Variants in POU3F3 observed in about 807,000 individuals in gnomAD.
The protein encoded by POU3F3 is POU domain, class 3, transcription factor 3.
A neutral mutation model predicts 8.6 loss-of-function variants in POU3F3; 1 was observed. That is an observed-to-expected ratio of 0.12 (90% CI 0.04 to 0.55). The LOEUF is 0.55. POU3F3 is among the 20% of genes least tolerant of loss of function. POU3F3 has a pLI of 0.91. For missense variants in POU3F3, 577 were observed against 690.7 expected (o/e 0.84, Z 1.84); for synonymous variants, 418 against 327.4 (o/e 1.28, Z -2.99).
chr2:104,919,606 A>G, the POU3F3 span, among the ~76,000 whole-genome samples: 1 of 152,106 alleles, frequency 6.6e-6, no homozygotes. Flanking sequence ...CGGTTTTTTT[A>G]TTTACTGGTC....
chr2:104,904,168 G>T, the POU3F3 span, among the ~76,000 whole-genome samples: 1 of 152,162 alleles, frequency 6.6e-6, no homozygotes, highest in African/African-American at 2.4e-5. Context: ...CAATAATTTA[G>T]GTAGCCCAAA....
chr2:104,904,095 G>A, the POU3F3 span, among the ~76,000 whole-genome samples: 1 of 152,286 alleles, frequency 6.6e-6, no homozygotes, highest in East Asian at 1.9e-4. Flanking sequence ...TGAAGCATTT[G>A]CAAAGCACTA....
chr2:104,883,382 G>T, the POU3F3 span, among the ~76,000 whole-genome samples: 852 of 152,274 alleles, frequency 5.6e-3, 7 homozygotes, highest in African/African-American at 0.019. Flanking sequence ...TTACAGTTTT[G>T]GTTTTGTTTT....
the POU3F3 span, among the ~76,000 whole-genome samples, chr2:104,879,243 C>T: frequency 5.3e-5 from 8 of 151,150 alleles, no homozygotes; most frequent in Non-Finnish European, 5.9e-5. Flanking sequence ...GAGAAGAAAC[C>T]GAGAGAGGAG....
At chr2:104,921,681 C>A in the POU3F3 span, among the ~76,000 whole-genome samples, 1 of 152,154 alleles carries the variant, frequency 6.6e-6, no homozygotes, top group Non-Finnish European at 1.5e-5. Flanking sequence ...GGGAGCCAAG[C>A]ATTTTAACTC....
chr2:104,868,343 G>A, the POU3F3 span: 2 of 456,612 alleles, frequency 4.4e-6, no homozygotes, highest in Admixed American at 2.3e-5. Context: ...GCAAGCATCA[G>A]GCAGCAGTGT....
the POU3F3 span, chr2:104,868,528 C>A: frequency 8.1e-6 from 3 of 369,974 alleles, no homozygotes; most frequent in East Asian, 7.5e-5. Flanking sequence ...GCTGTGGTCA[C>A]CCACCGGCCA....
Position 104,855,394 on chromosome 2 carries a change from G to T in POU3F3, c.-117G>T, listed in dbSNP as rs1240126075. 7 of 378,650 alleles carry T rather than the reference G, an allele frequency of 1.8e-5. No individual in the cohort carries two copies. The highest frequency in any genetic ancestry group is 2.5e-5 in the Non-Finnish European group (7 of 284,102). 23.5% of individuals were successfully genotyped at this position (378,650 alleles called of 1,614,324 possible). ...GCCCGGGGCGGGGGCGGGGAAGGAG[G>T]GGGGGAGGAGGCGGGAGGCGGGGGG... On this transcript the variant is annotated 5_prime_UTR_variant, in exon 1 of 1. Coordinates refer to ENST00000361360, the MANE Select transcript of POU3F3 (RefSeq NM_006236.3).
chr2:104,886,242 C>CA, the POU3F3 span, among the ~76,000 whole-genome samples: 1 of 152,054 alleles, frequency 6.6e-6, no homozygotes, highest in Non-Finnish European at 1.5e-5. Context: ...TGCGTAACAA[C>CA]ATTTTGGTCA....
chr2:104,892,655 A>ATG, the POU3F3 span, among the ~76,000 whole-genome samples: 2 of 151,548 alleles, frequency 1.3e-5, no homozygotes, highest in Non-Finnish European at 2.9e-5. Context: ...ATATGTACAT[A>ATG]TGTGTATATA....
the POU3F3 span, chr2:104,866,846 T>G: frequency 1.3e-5 from 2 of 152,220 alleles, no homozygotes; most frequent in African/African-American, 2.4e-5. Context: ...AGCTGCACGT[T>G]GGCTAAGCAG....
chr2:104,909,673 A>G, the POU3F3 span, among the ~76,000 whole-genome samples: 2 of 152,228 alleles, frequency 1.3e-5, no homozygotes, highest in Middle Eastern at 3.2e-3. Context: ...GCCACAGTCA[A>G]CTCCCATTTT....
At chr2:104,916,441 C>T in the POU3F3 span, among the ~76,000 whole-genome samples, 1 of 152,120 alleles carries the variant, frequency 6.6e-6, no homozygotes, top group African/African-American at 2.4e-5. Flanking sequence ...GCCTCTGATT[C>T]AAAATCTCTC....
At chr2:104,881,494 A>G in the POU3F3 span, among the ~76,000 whole-genome samples, 532 of 152,162 alleles carry the variant, frequency 3.5e-3, 1 homozygote, top group Non-Finnish European at 5.6e-3. Flanking sequence ...ATGGTTACAC[A>G]GACGTTCAAT....
At position 104,855,832 on chromosome 2, in the gene POU3F3, GC is replaced by G; in HGVS notation, c.324del (p.Ala109ProfsTer41). 9.1e-7 allele frequency: 1 copy of G among 1,095,652 alleles called. No individual in the cohort carries two copies. Among genetic ancestry groups the G allele is most frequent in the Non-Finnish European group, 1.1e-6 (1 of 904,288 alleles). 67.9% of individuals were successfully genotyped at this position (1,095,652 alleles called of 1,614,324 possible). ...AGCCCTGCCCCACGCCGCCGCCGCC[GC>G]CGCCGCTGCCGCCGCCGCCGCCGTG... Reference protein sequence around the residue: ...VTALPHAAAAAAAAAAAAVEA... With the variant: ...VTALPHAAAAXAAAAAAAVEA... On this transcript the variant is annotated frameshift_variant, in exon 1 of 1. Coordinates refer to ENST00000361360, the MANE Select transcript of POU3F3 (RefSeq NM_006236.3). LOFTEE classifies it low-confidence loss of function (END_TRUNC).
chr2:104,898,586 G>T, the POU3F3 span, among the ~76,000 whole-genome samples: 1 of 152,096 alleles, frequency 6.6e-6, no homozygotes, highest in African/African-American at 2.4e-5. Context: ...AAAGACTGTC[G>T]TATTTTATGA....
In POU3F3 at chr2:104,858,163, C is replaced by T. The variant is rs1676613525; in HGVS notation, c.*1150C>T. On this transcript the variant is annotated 3_prime_UTR_variant, in exon 1 of 1. Transcript: ENST00000361360. ...CGCTGCACTTCTCTGGACTTCTCTCCTCAATCCGTTGCCAACTTTGATTGA... is the reference window on the plus strand; with the variant it reads ...CGCTGCACTTCTCTGGACTTCTCTCTTCAATCCGTTGCCAACTTTGATTGA... The T allele has an allele frequency of 6.6e-6, 1 of 152,158 alleles. No homozygotes were observed. Among genetic ancestry groups the T allele is most frequent in the South Asian group, 2.1e-4 (1 of 4,828 alleles). 9.4% of individuals were successfully genotyped at this position (152,158 alleles called of 1,614,324 possible). A position where few individuals can be genotyped will look rare whatever the true frequency, so the allele number is the denominator to read the frequency against.
the POU3F3 span, among the ~76,000 whole-genome samples, chr2:104,906,833 A>T: frequency 0.69 from 104,272 of 152,034 alleles, 36,303 homozygotes; most frequent in East Asian, 0.87. Flanking sequence ...CATCAGTCTG[A>T]TAGCAAGTAC....
chr2:104,893,006 G>A, the POU3F3 span, among the ~76,000 whole-genome samples: 2 of 152,122 alleles, frequency 1.3e-5, no homozygotes, highest in African/African-American at 4.8e-5. Context: ...CACTAGATTC[G>A]AATGGCAGGC....
Sources: allele counts gnomAD v4.1 joint callset (sites outside exome capture counted in the v4.1 genomes callset), GRCh38; gene constraint gnomAD v4.1.1; transcripts MANE v1.5; gene names NCBI Gene and HGNC (gene_info 2026-07-23, HGNC 2026-07-21).